SNTG1: variants seen among roughly 807,000 people sequenced by gnomAD.
The protein encoded by SNTG1 is gamma-1-syntrophin.
Under a neutral mutation model 74.7 loss-of-function variants are expected in SNTG1, and 39 were observed. The observed-to-expected ratio is 0.52, with a 90% confidence interval of 0.40 to 0.68. SNTG1 has a LOEUF of 0.68. Ranked by LOEUF, SNTG1 falls within the 30% of genes least tolerant of loss-of-function variation. The pLI is 0.00. For missense variants in SNTG1, 685 were observed against 609.5 expected (o/e 1.12, Z -1.30); for synonymous variants, 254 against 217.1 (o/e 1.17, Z -1.49).
At chr8:49,960,309 T>A (rs1810562658) in intron 1 of SNTG1, among the ~76,000 whole-genome samples, 1 of 152,212 alleles carries the variant, frequency 6.6e-6, no homozygotes, top group South Asian at 2.1e-4. Flanking sequence ...TAACATTGAA[T>A]ATTTTGGAAT....
intron 1 of SNTG1, among the ~76,000 whole-genome samples, chr8:50,003,357 A>G (rs932213780): frequency 6.6e-6 from 1 of 152,204 alleles, no homozygotes; most frequent in Non-Finnish European, 1.5e-5. Context: ...TGAAATTTGT[A>G]ACTGTCAGTG....
rs1055485210 is a variant in SNTG1, at chr8:50,794,352, G to A, written c.*1523G>A. ...TACTCATGATTCATTAATTTATTTT[G>A]CATCAGATTAATTTGTAAATACATC... On this transcript the variant is annotated 3_prime_UTR_variant, in exon 19 of 19. Coordinates refer to ENST00000642720, the MANE Select transcript of SNTG1 (RefSeq NM_018967.5). 1 of 151,510 alleles carries A rather than the reference G, an allele frequency of 6.6e-6. No individual in the cohort carries two copies. Among genetic ancestry groups the A allele is most frequent in the African/African-American group, 2.4e-5 (1 of 41,226 alleles). 9.4% of individuals were successfully genotyped at this position (151,510 alleles called of 1,614,324 possible).
At chr8:50,406,422 T>C (rs1433994457) in intron 4 of SNTG1, among the ~76,000 whole-genome samples, 1 of 152,168 alleles carries the variant, frequency 6.6e-6, no homozygotes, top group Non-Finnish European at 1.5e-5. Flanking sequence ...TTATTAGTTC[T>C]AATAGTTTAT....
chr8:50,395,266 G>A (rs969707586), intron 3 of SNTG1, among the ~76,000 whole-genome samples: 1 of 152,004 alleles, frequency 6.6e-6, no homozygotes, highest in Non-Finnish European at 1.5e-5. Context: ...CTATTCTTAT[G>A]TTTCTACTTT....
At chr8:49,978,522 G>A (rs1812390951) in intron 1 of SNTG1, among the ~76,000 whole-genome samples, 1 of 152,172 alleles carries the variant, frequency 6.6e-6, no homozygotes, top group Admixed American at 6.5e-5. Context: ...TCACTGAAGT[G>A]GCTCTGAAGT....
At chr8:49,910,739 G>T (rs954414889), upstream of SNTG1, among the ~76,000 whole-genome samples, 1 of 152,204 alleles carries the variant, frequency 6.6e-6, no homozygotes, top group African/African-American at 2.4e-5. Flanking sequence ...GGAGACCAGA[G>T]GGAAAATGGG....
At chr8:50,176,046 C>T (rs1287896298) in intron 2 of SNTG1, among the ~76,000 whole-genome samples, 3 of 151,986 alleles carry the variant, frequency 2.0e-5, no homozygotes, top group Non-Finnish European at 4.4e-5. Context: ...TAGAGGCGGC[C>T]CCAGGCTTCC....
At chr8:50,190,759 G>A (rs751111626) in intron 2 of SNTG1, among the ~76,000 whole-genome samples, 7 of 152,154 alleles carry the variant, frequency 4.6e-5, no homozygotes, top group Admixed American at 6.6e-5. Flanking sequence ...AAGATCCTCC[G>A]CACATCACAG....
intron 4 of SNTG1, among the ~76,000 whole-genome samples, chr8:50,402,765 C>A (rs534725637): frequency 1.3e-5 from 2 of 152,136 alleles, no homozygotes; most frequent in Admixed American, 6.6e-5. Context: ...CGTTAGGCAG[C>A]GGTCACTGAA....
chr8:50,718,256 A>G (rs2131583442), intron 17 of SNTG1, among the ~76,000 whole-genome samples: 1 of 152,332 alleles, frequency 6.6e-6, no homozygotes, highest in South Asian at 2.1e-4. Flanking sequence ...CAGAACACTG[A>G]CAGAGGAGGA....
At chr8:50,499,801 T>C (rs1164985915) in intron 8 of SNTG1, among the ~76,000 whole-genome samples, 1 of 152,032 alleles carries the variant, frequency 6.6e-6, no homozygotes, top group Middle Eastern at 3.2e-3. Flanking sequence ...TTTTATGTGG[T>C]TAATTACACC....
intron 8 of SNTG1, among the ~76,000 whole-genome samples, chr8:50,475,019 T>C (rs1191931659): frequency 2.9e-5 from 4 of 136,722 alleles, no homozygotes; most frequent in South Asian, 2.3e-4. Flanking sequence ...TAGGTGGGAA[T>C]TGAACAATGA....
intron 2 of SNTG1, among the ~76,000 whole-genome samples, chr8:50,269,326 T>C (rs1303932412): frequency 6.6e-6 from 1 of 152,126 alleles, no homozygotes; most frequent in Non-Finnish European, 1.5e-5. Context: ...AAACAAATAA[T>C]ATAATATCTA....
At chr8:50,332,257 T>C (rs557201369) in intron 2 of SNTG1, among the ~76,000 whole-genome samples, 11 of 152,300 alleles carry the variant, frequency 7.2e-5, no homozygotes, top group Admixed American at 7.2e-4. Context: ...TCCCCAATCC[T>C]GCATGTGATT....
At chr8:50,326,277 T>A (rs1209819209) in intron 2 of SNTG1, among the ~76,000 whole-genome samples, 1 of 152,094 alleles carries the variant, frequency 6.6e-6, no homozygotes, top group African/African-American at 2.4e-5. Context: ...TTGGTATAAT[T>A]TCTTCCTAAA....
chr8:50,212,247 C>T (rs1184626789), intron 2 of SNTG1, among the ~76,000 whole-genome samples: 4 of 152,116 alleles, frequency 2.6e-5, no homozygotes, highest in Non-Finnish European at 5.9e-5. Context: ...CTGGGCAACA[C>T]GTTTCTTTCC....
At chr8:49,950,993 C>G (rs1160218858) in intron 1 of SNTG1, among the ~76,000 whole-genome samples, 1 of 152,120 alleles carries the variant, frequency 6.6e-6, no homozygotes, top group African/African-American at 2.4e-5. Context: ...CGAACAATAC[C>G]TAAAACGTCT....
intron 1 of SNTG1, among the ~76,000 whole-genome samples, chr8:50,114,344 C>T (rs2080728441): frequency 6.6e-6 from 1 of 152,128 alleles, no homozygotes; most frequent in Non-Finnish European, 1.5e-5. Flanking sequence ...GCAATAACTT[C>T]TTAAAAAGAA....
At chr8:50,469,558 C>T (rs747425225) in intron 8 of SNTG1, among the ~76,000 whole-genome samples, 2 of 152,134 alleles carry the variant, frequency 1.3e-5, no homozygotes, top group Non-Finnish European at 2.9e-5. Flanking sequence ...CATGTGCCAG[C>T]CCCCACTCCC....
Sources: gnomAD v4.1 joint callset for allele counts (sites outside exome capture counted in the v4.1 genomes callset) on GRCh38, gnomAD v4.1.1 for gene constraint, MANE v1.5 for transcripts, NCBI Gene and HGNC (gene_info 2026-07-23, HGNC 2026-07-21) for gene names.